DERA: variants seen among roughly 807,000 people sequenced by gnomAD.
DERA encodes 2-deoxy-D-ribose 5-phosphate aldolase.
DERA carries 15 observed loss-of-function variants against 41.1 expected under a neutral mutation model. That is an observed-to-expected ratio of 0.37 (90% CI 0.24 to 0.56). The LOEUF is 0.56. DERA is among the 20% of genes least tolerant of loss of function. DERA has a pLI of 0.81. For synonymous variants in DERA, 139 were observed against 137.4 expected, an observed-to-expected ratio of 1.01 and a Z score of -0.08; for missense variants, 396 against 403.4, an observed-to-expected ratio of 0.98 and a Z score of 0.16.
At position 16,014,251 on chromosome 12, in the gene DERA, G is replaced by A. The variant is rs1948965897; in HGVS notation, c.638-18291G>A. On this transcript the variant is annotated intron_variant, in intron 6 of 8. Transcript: ENST00000428559. The surrounding 1 kb of genome is among the most constrained non-coding windows in gnomAD (Gnocchi z 5.4). The stretch of plus-strand genomic sequence containing the variant: ...CCAAATGTTAATCACCAAGACAGTG[G>A]GGGAAATGTCTCCAGGGCATGTCAG... 6.6e-6 allele frequency among the ~76,000 whole-genome samples: 1 copy of A among 152,202 alleles called. No individual in the cohort carries two copies. Among genetic ancestry groups the A allele is most frequent in the Admixed American group, 6.5e-5 (1 of 15,278 alleles).
In DERA at chr12:16,013,505, C is replaced by T. The variant is rs1948960362; in HGVS notation, c.638-19037C>T. Among the ~76,000 whole-genome samples the T allele has an allele frequency of 6.6e-6, 1 of 152,158 alleles. No homozygotes were observed. Among genetic ancestry groups the T allele is most frequent in the South Asian group, 2.1e-4 (1 of 4,828 alleles). ...AGAAGGTGCCTCACTACCCCTTCAC[C>T]TTCTGCCATGATTGTAAGTTTCCTG... On this transcript the variant is annotated intron_variant, in intron 6 of 8. Transcript: ENST00000428559. This position sits in a 1 kb window ranked among gnomAD's most constrained non-coding sequence, Gnocchi z 5.8.
chr12:15,996,138 A>C lies in DERA; in HGVS notation c.637+13702A>C, dbSNP rs1050694130. ...AGAGAAAATTATTTCATATGCAGAC[A>C]CAGACACACACACAGAGCATGTGTG... On this transcript the variant is annotated intron_variant, in intron 6 of 8. Coordinates refer to ENST00000428559, the MANE Select transcript of DERA (RefSeq NM_015954.4). This position sits in a 1 kb window ranked among gnomAD's most constrained non-coding sequence, Gnocchi z 4.7. Among the ~76,000 whole-genome samples the C allele has an allele frequency of 6.9e-6, 1 of 145,400 alleles. No individual in the cohort carries two copies. Among genetic ancestry groups the C allele is most frequent in the African/African-American group, 2.5e-5 (1 of 39,664 alleles).
rs139456830 is a variant in DERA at position 15,967,275 on chromosome 12, A to G, written c.508+4328A>G. 4.2e-4 allele frequency among the ~76,000 whole-genome samples: 64 copies of G among 151,726 alleles called. 2 individuals are homozygous for G. The highest frequency in any genetic ancestry group is 1.5e-3 in the African/African-American group (62 of 41,386). On this transcript the variant is annotated intron_variant, in intron 5 of 8. Transcript: ENST00000428559. The surrounding 1 kb of genome is among the most constrained non-coding windows in gnomAD (Gnocchi z 4.9). ...TCAAGGTTGGGCCTGAGATGGGAGG[A>G]TTCCTTGAATGTGGGAGGATTCCTT...
At chr12:15,947,254 G>A (rs1948457147) in intron 1 of DERA, among the ~76,000 whole-genome samples, 1 of 152,118 alleles carries the variant, frequency 6.6e-6, no homozygotes, top group Admixed American at 6.6e-5. Context: ...TCAATTCCTG[G>A]ATATCCTTGT....
At chr12:15,962,763 C>G (rs920103334) in intron 4 of DERA, 50 bp from the exon 5 acceptor site, 2 of 1,469,036 alleles carry the variant, frequency 1.4e-6, no homozygotes, top group Admixed American at 2.3e-5. Context: ...TGCTTACTTT[C>G]TTTCTTCCCT....
At position 16,010,202 on chromosome 12, in the gene DERA, A is replaced by C. The variant is rs956610732; in HGVS notation, c.638-22340A>C. Among the ~76,000 whole-genome samples, 1 of 152,202 alleles carries C rather than the reference A, an allele frequency of 6.6e-6. No individual in the cohort carries two copies. Among genetic ancestry groups the C allele is most frequent in the Non-Finnish European group, 1.5e-5 (1 of 68,038 alleles). On this transcript the variant is annotated intron_variant, in intron 6 of 8. Transcript: ENST00000428559. This position sits in a 1 kb window ranked among gnomAD's most constrained non-coding sequence, Gnocchi z 5.5. ...CCTTGAAAACAAGTGTGTGGCATCC[A>C]GGGAGATCCTAGATGAGTTCTAGTT...
chr12:15,962,746 C>T (rs765013217), intron 4 of DERA, 67 bp from the exon 5 acceptor site: 1 of 1,398,882 alleles, frequency 7.1e-7, no homozygotes. Context: ...TTTTCCCCTC[C>T]CCCCCTTGCT....
chr12:15,950,789 G>C (rs1460113402), intron 1 of DERA, among the ~76,000 whole-genome samples: 2 of 152,246 alleles, frequency 1.3e-5, no homozygotes, highest in Non-Finnish European at 2.9e-5. Flanking sequence ...GTATAATATA[G>C]TTAATAGATA....
At position 16,036,947 on chromosome 12, in the gene DERA, C is replaced by A; in HGVS notation, c.*201C>A. 1 of 530,018 alleles carries A rather than the reference C, an allele frequency of 1.9e-6. No individual in the cohort carries two copies. The highest frequency in any genetic ancestry group is 3.3e-6 in the Non-Finnish European group (1 of 302,670). The allele number at this position is 530,018 out of a possible 1,614,324, so 32.8% of individuals were successfully genotyped here. A position where few individuals can be genotyped will look rare whatever the true frequency, so the allele number is the denominator to read the frequency against. ...TCATTTCAGGCACATCTGAAATGAT[C>A]TTAATTACTAGAAGATCTGCACTAT... On this transcript the variant is annotated 3_prime_UTR_variant, in exon 9 of 9. Transcript: ENST00000428559. The surrounding 1 kb of genome is among the most constrained non-coding windows in gnomAD (Gnocchi z 4.9).
chr12:15,950,472 G>GT (rs1213355706), intron 1 of DERA, among the ~76,000 whole-genome samples: 5 of 152,284 alleles, frequency 3.3e-5, no homozygotes, highest in Middle Eastern at 3.4e-3. Context: ...TATCAGCAAG[G>GT]TCTTTATGAC....
At position 15,990,441 on chromosome 12, in the gene DERA, T is replaced by C. The variant is rs1276263064; in HGVS notation, c.637+8005T>C. ...TTCCATGTTCTTTTTTGTTTTGTTTTGTTTTTAGTTTTATTTTTAACTTTT... is the reference window on the plus strand; with the variant it reads ...TTCCATGTTCTTTTTTGTTTTGTTTCGTTTTTAGTTTTATTTTTAACTTTT... On this transcript the variant is annotated intron_variant, in intron 6 of 8. Transcript: ENST00000428559. The surrounding 1 kb of genome is among the most constrained non-coding windows in gnomAD (Gnocchi z 4.3). 6.6e-6 allele frequency among the ~76,000 whole-genome samples: 1 copy of C among 152,208 alleles called. No individual in the cohort carries two copies. Among genetic ancestry groups the C allele is most frequent in the Non-Finnish European group, 1.5e-5 (1 of 68,030 alleles).
At chr12:15,950,153 A>G (rs1403020910) in intron 1 of DERA, among the ~76,000 whole-genome samples, 1 of 152,232 alleles carries the variant, frequency 6.6e-6, no homozygotes, top group Non-Finnish European at 1.5e-5. Context: ...GCGAGTCCAG[A>G]GTAAAGTGAA....
intron 5 of DERA, among the ~76,000 whole-genome samples, chr12:15,963,453 A>C (rs1174797198): frequency 6.6e-6 from 1 of 152,198 alleles, no homozygotes; most frequent in Non-Finnish European, 1.5e-5. Flanking sequence ...AGCTCTGATG[A>C]CTATCATGAA....
At chr12:15,968,229 T>C (rs573224314) in intron 5 of DERA, among the ~76,000 whole-genome samples, 11 of 152,316 alleles carry the variant, frequency 7.2e-5, no homozygotes, top group African/African-American at 2.6e-4. Flanking sequence ...TTTTATTGTA[T>C]TACTAATACT....
intron 4 of DERA, among the ~76,000 whole-genome samples, chr12:15,960,981 T>C (rs1948583614): frequency 6.6e-6 from 1 of 152,102 alleles, no homozygotes; most frequent in South Asian, 2.1e-4. Context: ...CAGGGCAGAA[T>C]TGCAGAGGGG....
At position 15,921,738 on chromosome 12, in the gene DERA, A is replaced by G. The variant is rs1948245545; in HGVS notation, c.31+10324A>G. On this transcript the variant is annotated intron_variant, in intron 1 of 8. Coordinates refer to ENST00000428559, the MANE Select transcript of DERA (RefSeq NM_015954.4). The surrounding 1 kb of genome is among the most constrained non-coding windows in gnomAD (Gnocchi z 5.3). ...GGCATTCGAGACCAGCCTGGTCAAC[A>G]TGGTGAAACTTTGTTTCTGCTAGAA... Among the ~76,000 whole-genome samples, 2 of 152,088 alleles carry G rather than the reference A, an allele frequency of 1.3e-5. No homozygotes were observed. Among genetic ancestry groups the G allele is most frequent in the Non-Finnish European group, 1.5e-5 (1 of 68,032 alleles).
At chr12:15,934,537 C>T (rs936307459) in intron 1 of DERA, among the ~76,000 whole-genome samples, 4 of 151,430 alleles carry the variant, frequency 2.6e-5, no homozygotes, top group Admixed American at 6.6e-5. Context: ...TGCAGTGAGC[C>T]GAGATCGTGC....
At chr12:15,961,058 C>T (rs1023308648) in intron 4 of DERA, among the ~76,000 whole-genome samples, 6 of 152,070 alleles carry the variant, frequency 3.9e-5, no homozygotes, top group Admixed American at 6.5e-5. Context: ...AGGTTAGAGG[C>T]GTGACGTGAT....
intron 6 of DERA, among the ~76,000 whole-genome samples, chr12:15,986,298 T>C (rs1948763939): frequency 1.3e-5 from 2 of 152,156 alleles, no homozygotes; most frequent in South Asian, 4.1e-4. Flanking sequence ...AGTTTCTACT[T>C]TTTAGAGTGT....
Sources: allele counts gnomAD v4.1 joint callset (sites outside exome capture counted in the v4.1 genomes callset), GRCh38; gene constraint gnomAD v4.1.1; non-coding constraint Gnocchi (gnomAD v3.1); transcripts MANE v1.5; gene names NCBI Gene and HGNC (gene_info 2026-07-23, HGNC 2026-07-21).